ZSWIM6: variants seen among roughly 807,000 people sequenced by gnomAD.
The protein encoded by ZSWIM6 is zinc finger SWIM-type containing 6.
Under a neutral mutation model 113.2 loss-of-function variants are expected in ZSWIM6, and 9 were observed. The observed-to-expected ratio is 0.08, with a 90% CI of 0.05 to 0.14. The LOEUF is 0.14. Ranked by LOEUF, ZSWIM6 falls within the 10% of genes least tolerant of loss-of-function variation. ZSWIM6 has a pLI of 1.00. For synonymous variants in ZSWIM6, 611 were observed against 606.5 expected, an observed-to-expected ratio of 1.01 and a Z score of -0.11; for missense variants, 1,162 against 1,552.2, an observed-to-expected ratio of 0.75 and a Z score of 4.22.
intron 1 of ZSWIM6, among the ~76,000 whole-genome samples, chr5:61,385,841 A>G (rs1374842699): frequency 2.0e-5 from 3 of 152,190 alleles, no homozygotes; most frequent in Non-Finnish European, 4.4e-5. Context: ...AATAGAGGCA[A>G]ACACCCCAGA....
intron 4 of ZSWIM6, among the ~76,000 whole-genome samples, chr5:61,513,351 G>A (rs1748839683): frequency 6.6e-6 from 1 of 151,924 alleles, no homozygotes; most frequent in South Asian, 2.1e-4. Context: ...AGTTTTGAGA[G>A]GATTTACATA....
At chr5:61,480,594 CA>C (rs1747829366) in intron 2 of ZSWIM6, among the ~76,000 whole-genome samples, 1 of 152,116 alleles carries the variant, frequency 6.6e-6, no homozygotes, top group Non-Finnish European at 1.5e-5. Context: ...TCAACTACAA[CA>C]AAATTGTAAA....
At chr5:61,351,541 A>G (rs1423304650) in intron 1 of ZSWIM6, among the ~76,000 whole-genome samples, 1 of 152,256 alleles carries the variant, frequency 6.6e-6, no homozygotes, top group Non-Finnish European at 1.5e-5. Flanking sequence ...ATTTACAAAT[A>G]AATTATTCAG....
chr5:61,420,790 A>C (rs1427013969), intron 1 of ZSWIM6, among the ~76,000 whole-genome samples: 2 of 152,204 alleles, frequency 1.3e-5, no homozygotes, highest in East Asian at 3.8e-4. Context: ...AATCACCTCA[A>C]GCATTTATCC....
At chr5:61,371,916 A>G (rs1277322311) in intron 1 of ZSWIM6, among the ~76,000 whole-genome samples, 1 of 152,240 alleles carries the variant, frequency 6.6e-6, no homozygotes, top group Non-Finnish European at 1.5e-5. Flanking sequence ...GACATTAAGC[A>G]CATGAACTTT....
At chr5:61,482,100 A>G (rs563080145) in intron 2 of ZSWIM6, among the ~76,000 whole-genome samples, 1 of 152,306 alleles carries the variant, frequency 6.6e-6, no homozygotes, top group South Asian at 2.1e-4. Context: ...TCTCAAAGCT[A>G]AATGTTGAGA....
chr5:61,518,928 C>T (rs1292536041), intron 4 of ZSWIM6, among the ~76,000 whole-genome samples: 10 of 149,452 alleles, frequency 6.7e-5, no homozygotes, highest in African/African-American at 1.7e-4. Flanking sequence ...TTAGGTCTAA[C>T]GTTTAAGTCT....
At chr5:61,339,171 GTTT>G (rs1046616380) in intron 1 of ZSWIM6, among the ~76,000 whole-genome samples, 11 of 152,170 alleles carry the variant, frequency 7.2e-5, no homozygotes, top group Admixed American at 3.9e-4. Context: ...GACATGTTTT[GTTT>G]TATAAGAGTT....
intron 4 of ZSWIM6, among the ~76,000 whole-genome samples, chr5:61,516,582 C>T (rs542708056): frequency 1.1e-3 from 157 of 146,902 alleles, no homozygotes; most frequent in African/African-American, 3.7e-3. Flanking sequence ...TATATTTTTC[C>T]TTTACTCTCC....
chr5:61,432,162 A>C (rs1340214426), intron 1 of ZSWIM6, among the ~76,000 whole-genome samples: 1 of 152,226 alleles, frequency 6.6e-6, no homozygotes, highest in Non-Finnish European at 1.5e-5. Flanking sequence ...GCTGTTTTTC[A>C]TAGAGAATTT....
At chr5:61,407,823 T>C (rs953464941) in intron 1 of ZSWIM6, among the ~76,000 whole-genome samples, 1 of 152,194 alleles carries the variant, frequency 6.6e-6, no homozygotes, top group Non-Finnish European at 1.5e-5. Flanking sequence ...TAAAATAAGC[T>C]TGAGAGAGAG....
intron 1 of ZSWIM6, among the ~76,000 whole-genome samples, chr5:61,363,249 G>C (rs1745070292): frequency 2.0e-5 from 3 of 152,178 alleles, no homozygotes; most frequent in Non-Finnish European, 4.4e-5. Context: ...AGTTTACAAG[G>C]CTATCCATAC....
At chr5:61,525,776 C>T (rs776851949) in intron 5 of ZSWIM6, 24 bp from the exon 6 acceptor site, 44 of 1,550,670 alleles carry the variant, frequency 2.8e-5, no homozygotes, top group Non-Finnish European at 3.7e-5. Flanking sequence ...GCTGACACGG[C>T]TTTCTGAATT....
intron 9 of ZSWIM6, among the ~76,000 whole-genome samples, chr5:61,532,773 C>T (rs1409108716): frequency 6.6e-6 from 1 of 152,094 alleles, no homozygotes; most frequent in Non-Finnish European, 1.5e-5. Context: ...CTCTCCTGAA[C>T]CTGTTTTTTT....
chr5:61,485,435 G>T (rs528573243), intron 2 of ZSWIM6, among the ~76,000 whole-genome samples: 6 of 152,156 alleles, frequency 3.9e-5, no homozygotes, highest in African/African-American at 7.2e-5. Flanking sequence ...TGTCTCAAGG[G>T]TATGTCAAAT....
At chr5:61,476,755 G>A (rs1747715178) in intron 2 of ZSWIM6, among the ~76,000 whole-genome samples, 1 of 152,080 alleles carries the variant, frequency 6.6e-6, no homozygotes, top group African/African-American at 2.4e-5. Flanking sequence ...CGTCTTTTCT[G>A]TCCTTTATGC....
chr5:61,508,299 A>G (rs925230393), intron 4 of ZSWIM6, among the ~76,000 whole-genome samples: 9 of 152,284 alleles, frequency 5.9e-5, no homozygotes, highest in African/African-American at 2.2e-4. Flanking sequence ...GTAGAATCTA[A>G]TTAGGAATCC....
At position 61,482,796 on chromosome 5, in the gene ZSWIM6, A is replaced by C. The variant is rs775519974; in HGVS notation, c.1034-7990A>C. Among the ~76,000 whole-genome samples the C allele has an allele frequency of 1.1e-4, 16 of 152,192 alleles. No individual in the cohort carries two copies. The East Asian group carries it at 2.9e-3, about 28-fold the overall frequency. Reference sequence around the variant, plus strand: ...TTAGAGTTAAGGAAATGGAGGCCCGAAGAGCTTAAGTTATTTGCTGGAAAA... The same window carrying C: ...TTAGAGTTAAGGAAATGGAGGCCCGCAGAGCTTAAGTTATTTGCTGGAAAA... On this transcript the variant is annotated intron_variant, in intron 2 of 13. Coordinates refer to ENST00000252744, the MANE Select transcript of ZSWIM6 (RefSeq NM_020928.2).
chr5:61,360,760 G>A, intron 1 of ZSWIM6, among the ~76,000 whole-genome samples: 1 of 152,232 alleles, frequency 6.6e-6, no homozygotes, highest in African/African-American at 2.4e-5. Flanking sequence ...AATACAATGG[G>A]TTATTTAAGC....
Sources: allele counts gnomAD v4.1 joint callset (sites outside exome capture counted in the v4.1 genomes callset), GRCh38; gene constraint gnomAD v4.1.1; transcripts MANE v1.5; gene names NCBI Gene and HGNC (gene_info 2026-07-23, HGNC 2026-07-21).